The following DLG3 variants were observed in gnomAD, a reference collection of about 807,000 sequenced individuals.
DLG3 encodes the protein disks large homolog 3.
In DLG3, 1 loss-of-function variant was observed where a neutral mutation model predicts 64.1. The ratio of observed to expected loss-of-function variants is 0.02; its 90% CI spans 0.01 to 0.07. The LOEUF (loss-of-function observed/expected upper bound fraction) is 0.07. Among genes scored for constraint, DLG3 ranks in the 10% least tolerant of loss-of-function variants. The pLI is 1.00. For missense variants in DLG3, 429 were observed against 669.5 expected (o/e 0.64, Z 3.96); for synonymous variants, 245 against 259.8 (o/e 0.94, Z 0.55).
intron 10 of DLG3, among the ~76,000 whole-genome samples, chrX:70,481,434 C>T (rs1184540002): frequency 3.6e-5 from 4 of 112,159 alleles, no homozygotes; most frequent in African/African-American, 1.3e-4. Context: ...CAAATGCAGG[C>T]TTAAACAGAG....
At chrX:70,465,712 CTGTTT>C (rs1240177270) in intron 9 of DLG3, among the ~76,000 whole-genome samples, 2 of 111,410 alleles carry the variant, frequency 1.8e-5, no homozygotes, top group African/African-American at 3.3e-5. Context: ...TTGTATCTAT[CTGTTT>C]TAAGAAGGAG....
chrX:70,473,434 A>G (rs747701855), intron 9 of DLG3, among the ~76,000 whole-genome samples: 5 of 111,045 alleles, frequency 4.5e-5, no homozygotes, highest in Admixed American at 1.9e-4. Context: ...TCACCCTATT[A>G]GTCTCTCTCT....
intron 10 of DLG3, among the ~76,000 whole-genome samples, chrX:70,480,506 AC>A (rs1292767304): frequency 9.0e-6 from 1 of 111,178 alleles, no homozygotes; most frequent in Non-Finnish European, 1.9e-5. Flanking sequence ...TGCTATGCTT[AC>A]CTCCCGCTGT....
intron 1 of DLG3, among the ~76,000 whole-genome samples, chrX:70,447,157 G>A (rs1326449027): frequency 9.0e-6 from 1 of 110,901 alleles, no homozygotes; most frequent in African/African-American, 3.3e-5. Context: ...TGCCAGGGCT[G>A]ATCCCTGGAT....
At chrX:70,497,161 C>G (rs1014660188) in intron 13 of DLG3, 5 of 1,209,195 alleles carry the variant, frequency 4.1e-6, no homozygotes, top group Non-Finnish European at 5.6e-6. Flanking sequence ...ATTGGAGTCT[C>G]TTTCTTGTTG....
chrX:70,497,558 C>T (rs1308398111), intron 13 of DLG3, among the ~76,000 whole-genome samples: 1 of 112,150 alleles, frequency 8.9e-6, no homozygotes, highest in Non-Finnish European at 1.9e-5. Flanking sequence ...GCTCAGAGAC[C>T]AAAAGAAAAA....
At chrX:70,457,600 C>G (rs1196346841) in intron 9 of DLG3, among the ~76,000 whole-genome samples, 4 of 105,924 alleles carry the variant, frequency 3.8e-5, no homozygotes, top group Non-Finnish European at 7.7e-5. Context: ...GAGACGGAGT[C>G]TTGCTCTGTC....
Position 70,475,722 on chromosome X carries a change from A to G in DLG3, c.1406-3428A>G, listed in dbSNP as rs756700559. Among the ~76,000 whole-genome samples, 17 of 112,464 alleles carry G rather than the reference A, an allele frequency of 1.5e-4. No individual in the cohort carries two copies. The South Asian group carries it at 5.9e-3, about 39-fold the overall frequency. On this transcript the variant is annotated intron_variant, in intron 9 of 18. Coordinates refer to ENST00000374360, the MANE Select transcript of DLG3 (RefSeq NM_021120.4). ...GTAAGTCTGGAAGGACACATACTAA[A>G]AATACCAACAGTGGTATCTTCTGGG...
Position 70,445,250 on chromosome X carries a change from A to G in DLG3, c.49A>G (p.Thr17Ala). 8.6e-7 allele frequency: 1 copy of G among 1,163,540 alleles called. No homozygotes were observed. Among genetic ancestry groups the G allele is most frequent in the Non-Finnish European group, 1.1e-6 (1 of 872,900 alleles). ...TAAGTGCCCTGAGTGCTATGAGGTG[A>G]CCCGCCTGGCCGCCCTGCGGCGCCT... ...CCKCPECYEV[T>A]RLAALRRLEP... The change falls in exon 1 of 19, where the codon ACC (threonine) becomes GCC (alanine). Residue 17 changes from threonine (T) to alanine (A), a missense_variant. By Grantham distance (58) the Thr-to-Ala change is moderately conservative. Coordinates refer to ENST00000374360, the MANE Select transcript of DLG3 (RefSeq NM_021120.4).
rs2087626858 is a variant in DLG3 at position 70,504,883 on chromosome X, A to G, written c.*2614A>G. On this transcript the variant is annotated 3_prime_UTR_variant, in exon 19 of 19. Transcript: ENST00000374360. ...GATGCTTAGAGCAGGCAGTTCTGGC[A>G]GTTCTGACGTGGCAGGTGCCATTGC... The G allele has an allele frequency of 8.9e-6, 1 of 112,490 alleles. No homozygotes were observed. The highest frequency in any genetic ancestry group is 3.8e-4 in the South Asian group (1 of 2,657). 9.3% of individuals were successfully genotyped at this position (112,490 alleles called of 1,213,427 possible). A position where few individuals can be genotyped will look rare whatever the true frequency, so the allele number is the denominator to read the frequency against.
intron 13 of DLG3, chrX:70,497,337 T>A: frequency 2.6e-6 from 2 of 755,191 alleles, no homozygotes; most frequent in East Asian, 3.3e-5. Context: ...CTTTTAGCCA[T>A]GTACACTTTG....
chrX:70,475,803 C>T (rs2087045147), intron 9 of DLG3, among the ~76,000 whole-genome samples: 1 of 112,091 alleles, frequency 8.9e-6, no homozygotes, highest in Non-Finnish European at 1.9e-5. Flanking sequence ...CAGCAGCTTT[C>T]TTTGCAGGCA....
At chrX:70,465,103 A>G (rs758754176) in intron 9 of DLG3, among the ~76,000 whole-genome samples, 1 of 112,006 alleles carries the variant, frequency 8.9e-6, no homozygotes, top group South Asian at 3.8e-4. Flanking sequence ...ATTCCAGGGT[A>G]GATTAAGAGT....
At chrX:70,459,832 G>C in intron 9 of DLG3, among the ~76,000 whole-genome samples, 1 of 111,453 alleles carries the variant, frequency 9.0e-6, no homozygotes, top group African/African-American at 3.3e-5. Flanking sequence ...GTAAGGGACA[G>C]AATAAAAGTT....
At chrX:70,483,804 C>A (rs1306615416) in intron 10 of DLG3, among the ~76,000 whole-genome samples, 1 of 112,335 alleles carries the variant, frequency 8.9e-6, no homozygotes, top group African/African-American at 3.2e-5. Context: ...GGACCTTCCT[C>A]ACACTTCACT....
chrX:70,450,957 C>A, intron 6 of DLG3, 174 bp downstream of exon 6: 2 of 586,966 alleles, frequency 3.4e-6, no homozygotes, highest in Non-Finnish European at 5.4e-6. Flanking sequence ...AAACTTTGCT[C>A]AGTACCCCAT....
intron 10 of DLG3, among the ~76,000 whole-genome samples, chrX:70,484,730 T>C (rs1035826890): frequency 7.2e-5 from 8 of 111,753 alleles, no homozygotes; most frequent in Non-Finnish European, 1.5e-4. Context: ...AAACAGTCGC[T>C]CATTGCGGGC....
intron 1 of DLG3, among the ~76,000 whole-genome samples, chrX:70,447,292 A>C (rs2086578148): frequency 8.9e-6 from 1 of 111,863 alleles, no homozygotes; most frequent in Non-Finnish European, 1.9e-5. Flanking sequence ...ACATGTGGGC[A>C]CACATGGTAC....
chrX:70,454,433 A>G (rs1265168352), intron 9 of DLG3, 117 bp downstream of exon 9: 19 of 606,363 alleles, frequency 3.1e-5, no homozygotes, highest in Middle Eastern at 3.6e-4. Context: ...TACCTAGAGC[A>G]GTAACCTCTT....
Sources: allele counts gnomAD v4.1 joint callset (sites outside exome capture counted in the v4.1 genomes callset), GRCh38; gene constraint gnomAD v4.1.1; transcripts MANE v1.5; gene names NCBI Gene and HGNC (gene_info 2026-07-23, HGNC 2026-07-21).